GJD3: variants seen among roughly 807,000 people sequenced by gnomAD.
The protein encoded by GJD3 is gap junction delta-3 protein.
For synonymous variants in GJD3, 217 were observed against 226.7 expected, an observed-to-expected ratio of 0.96 and a Z score of 0.38; for missense variants, 421 against 448.5, an observed-to-expected ratio of 0.94 and a Z score of 0.55.
At position 40,363,556 on chromosome 17, in the gene GJD3, G is replaced by T; in HGVS notation, c.260C>A (p.Ala87Glu). 6.3e-7 allele frequency: 1 copy of T among 1,583,764 alleles called. No homozygotes were observed. Among genetic ancestry groups the T allele is most frequent in the Admixed American group, 1.8e-5 (1 of 55,116 alleles). The change falls in exon 1 of 1, where the codon GCG becomes GAG. Residue 87 changes from alanine (A) to glutamate (E), a missense_variant. Transcript: ENST00000578689. The surrounding 1 kb of genome is among the most constrained non-coding windows in gnomAD (Gnocchi z 5.5). ...FWLFHILLLS[A>E]PPVLFVVYSM... is the part of the protein sequence containing the mutation. ...GTAGACGACGAACAGCACCGGGGGCGCCGAGAGCAGCAGGATGTGGAAGAG... is the reference window on the plus strand; with the variant it reads ...GTAGACGACGAACAGCACCGGGGGCTCCGAGAGCAGCAGGATGTGGAAGAG...
rs902003969 is a variant in GJD3 at position 40,363,439 on chromosome 17, G to A, written c.377C>T (p.Ala126Val). 3 of 1,328,548 alleles carry A rather than the reference G, an allele frequency of 2.3e-6. No homozygotes were observed. The highest frequency in any genetic ancestry group is 4.2e-5 in the Admixed American group (1 of 23,942). 82.3% of individuals were successfully genotyped at this position (1,328,548 alleles called of 1,614,324 possible). The change falls in exon 1 of 1, where the codon GCC (alanine) becomes GTC (valine). Residue 126 changes from alanine to valine, a missense_variant. By Grantham distance (64) the Ala-to-Val change is moderately conservative (BLOSUM62 0). Transcript: ENST00000578689. This position sits in a 1 kb window ranked among gnomAD's most constrained non-coding sequence, Gnocchi z 5.5. ...GLPEAQCAPC[A>V]LRARRARRCY... ...GCGGCGCGCGCGGCGGGCGCGCAGG[G>A]CGCACGGCGCGCACTGGGCCTCGGG...
rs1463373156 is a variant in GJD3 at position 40,363,036 on chromosome 17, G to A, written c.780C>T (p.Cys260=). The change falls in exon 1 of 1, where the codon TGC becomes TGT. Residue 260 remains cysteine, a synonymous_variant. Transcript: ENST00000578689. This position sits in a 1 kb window ranked among gnomAD's most constrained non-coding sequence, Gnocchi z 5.5. ...CCGGGTGCGCATAGGCCGGCGGGGC[G>A]CACGGCTCGGGGCCGGGGCGCCGGG... The part of the protein sequence containing the change: ...LPSRRPGPEP[C]APPAYAHPAP... 8.3e-7 allele frequency: 1 copy of A among 1,211,190 alleles called. No homozygotes were observed. Among genetic ancestry groups the A allele is most frequent in the South Asian group, 3.9e-5 (1 of 25,442 alleles). 75.0% of individuals were successfully genotyped at this position (1,211,190 alleles called of 1,614,324 possible).
At position 40,361,029 on chromosome 17, in the gene GJD3, G is replaced by A. The variant is rs776578831; in HGVS notation, c.*1902C>T. On this transcript the variant is annotated 3_prime_UTR_variant, in exon 1 of 1. Coordinates refer to ENST00000578689, the MANE Select transcript of GJD3 (RefSeq NM_152219.4). ...AGAGCAATGCCATCCTGCAGGAGAAGTGCTTTCCCTACGGAAGCGAGGGGC... is the reference window on the plus strand; with the variant it reads ...AGAGCAATGCCATCCTGCAGGAGAAATGCTTTCCCTACGGAAGCGAGGGGC... The A allele has an allele frequency of 3.1e-5, 14 of 456,516 alleles. No individual in the cohort carries two copies. Among genetic ancestry groups the A allele is most frequent in the Non-Finnish European group, 5.3e-5 (12 of 226,930 alleles). 28.3% of individuals were successfully genotyped at this position (456,516 alleles called of 1,614,324 possible).
rs1367150801 is a variant in GJD3, at chr17:40,362,376, C to T, written c.*555G>A. Among the ~76,000 whole-genome samples, 2 of 152,088 alleles carry T rather than the reference C, an allele frequency of 1.3e-5. No homozygotes were observed. Among genetic ancestry groups the T allele is most frequent in the Admixed American group, 1.3e-4 (2 of 15,282 alleles). ...GCACACAGCTCACCCGGGAGGGTTACGTGTGTCTGTGTGCACAAGTGGGCC... is the reference window on the plus strand; with the variant it reads ...GCACACAGCTCACCCGGGAGGGTTATGTGTGTCTGTGTGCACAAGTGGGCC... On this transcript the variant is annotated 3_prime_UTR_variant, in exon 1 of 1. Coordinates refer to ENST00000578689, the MANE Select transcript of GJD3 (RefSeq NM_152219.4).
In GJD3 at chr17:40,362,531, T is replaced by C. The variant is rs182077639; in HGVS notation, c.*400A>G. ...CGCAGAGAGCCCACAGGGGGACCAC[T>C]CTCTCTCTGAACACAGAGAGTGCCT... On this transcript the variant is annotated 3_prime_UTR_variant, in exon 1 of 1. Coordinates refer to ENST00000578689, the MANE Select transcript of GJD3 (RefSeq NM_152219.4). 6.6e-6 allele frequency among the ~76,000 whole-genome samples: 1 copy of C among 152,302 alleles called. No individual in the cohort carries two copies. Among genetic ancestry groups the C allele is most frequent in the East Asian group, 1.9e-4 (1 of 5,168 alleles).
In GJD3 at chr17:40,363,208, A is replaced by T. The variant is rs1486200595; in HGVS notation, c.608T>A (p.Leu203Gln). 6.9e-7 allele frequency: 1 copy of T among 1,447,478 alleles called. No individual in the cohort carries two copies. The highest frequency in any genetic ancestry group is 1.3e-5 in the South Asian group (1 of 75,142). The allele number at this position is 1,447,478 out of a possible 1,614,324, so 89.7% of individuals were successfully genotyped here. ...FYFAVGLLSA[L>Q]LSVAELGHLL... is the part of the protein sequence containing the mutation. ...GTGGCCCAGCTCGGCTACGCTGAGCAGCGCCGACAGCAGCCCCACCGCGAA... is the reference window on the plus strand; with the variant it reads ...GTGGCCCAGCTCGGCTACGCTGAGCTGCGCCGACAGCAGCCCCACCGCGAA... The change falls in exon 1 of 1, where the codon CTG becomes CAG. Residue 203 changes from leucine (L) to glutamine (Q), a missense_variant. Leu to Gln is a moderately radical substitution (Grantham distance 113). Transcript: ENST00000578689. This position sits in a 1 kb window ranked among gnomAD's most constrained non-coding sequence, Gnocchi z 5.5.
Position 40,363,160 on chromosome 17 carries a change from C to G in GJD3, c.656G>C (p.Arg219Pro). Residue 219 changes from arginine to proline, a missense_variant, in exon 1 of 1, where the codon CGC becomes CCC. Arg to Pro is a moderately radical substitution (Grantham distance 103). Transcript: ENST00000578689. The surrounding 1 kb of genome is among the most constrained non-coding windows in gnomAD (Gnocchi z 5.5). ...GCAGCGGTTGTCACGCTCCCCGGCG[C>G]GCGGGCGGCCCTTCCAGAGCAGGTG... is the stretch of plus-strand genomic sequence containing the variant. The part of the protein sequence containing the change: ...LGHLLWKGRP[R>P]AGERDNRCNR... 7.0e-7 allele frequency: 1 copy of G among 1,419,982 alleles called. No individual in the cohort carries two copies. The allele number at this position is 1,419,982 out of a possible 1,614,324, so 88.0% of individuals were successfully genotyped here. A position where few individuals can be genotyped will look rare whatever the true frequency, so the allele number is the denominator to read the frequency against.
rs923933623 is a variant in GJD3 at position 40,362,263 on chromosome 17, ATGTGCGTGTG to A, written c.*658_*667del. Reference sequence around the variant, plus strand: ...CACACGCAGCCCACACAGAATGGACATGTGCGTGTGTGCACAATGCACTCACACAAAGCTC... The same window carrying A: ...CACACGCAGCCCACACAGAATGGACATGCACAATGCACTCACACAAAGCTC... On this transcript the variant is annotated 3_prime_UTR_variant, in exon 1 of 1. Transcript: ENST00000578689. Among the ~76,000 whole-genome samples, 9 of 152,132 alleles carry A rather than the reference ATGTGCGTGTG, an allele frequency of 5.9e-5. No individual in the cohort carries two copies. Among genetic ancestry groups the A allele is most frequent in the African/African-American group, 2.2e-4 (9 of 41,420 alleles).
rs2034782237 is a variant in GJD3 at position 40,364,407 on chromosome 17, C to T, written c.-592G>A. 6.0e-6 allele frequency: 1 copy of T among 167,604 alleles called. No individual in the cohort carries two copies. The highest frequency in any genetic ancestry group is 2.4e-5 in the African/African-American group (1 of 41,442). The allele number at this position is 167,604 out of a possible 1,614,324, so 10.4% of individuals were successfully genotyped here. ...GCTGGTACAGAGGCAACTCCGCTTT[C>T]ATAACTCTCACAGGGTCCTTTGTCG... On this transcript the variant is annotated 5_prime_UTR_variant, in exon 1 of 1. An upstream start codon of the reference 5' UTR is lost. Coordinates refer to ENST00000578689, the MANE Select transcript of GJD3 (RefSeq NM_152219.4).
Position 40,363,815 on chromosome 17 carries a change from TG to T in GJD3, c.-1del. The T allele has an allele frequency of 6.3e-7, 1 of 1,598,770 alleles. No homozygotes were observed. The highest frequency in any genetic ancestry group is 1.3e-5 in the African/African-American group (1 of 74,704). ...GAGCCCAGGAACGCCCACTCCCCCA[TG>T]GCGCTGGGGACGCGGGGCGGGGAGT... On this transcript the variant is annotated 5_prime_UTR_variant, in exon 1 of 1. Coordinates refer to ENST00000578689, the MANE Select transcript of GJD3 (RefSeq NM_152219.4). This position sits in a 1 kb window ranked among gnomAD's most constrained non-coding sequence, Gnocchi z 5.5.
In GJD3 at chr17:40,363,408, G is replaced by C. The variant is rs1233226551; in HGVS notation, c.408C>G (p.Tyr136Ter). The C allele has an allele frequency of 3.8e-6, 5 of 1,327,214 alleles. No homozygotes were observed. The highest frequency in any genetic ancestry group is 4.8e-6 in the Non-Finnish European group (5 of 1,044,360). The allele number at this position is 1,327,214 out of a possible 1,614,324, so 82.2% of individuals were successfully genotyped here. A position where few individuals can be genotyped will look rare whatever the true frequency, so the allele number is the denominator to read the frequency against. ...GCAGGCGCAGCGCCACGCTCAGCAG[G>C]TAGCAGCGGCGCGCGCGGCGGGCGC... ...ALRARRARRC[Y>*]LLSVALRLLA... is the part of the protein sequence containing the mutation. Residue 136 changes from tyrosine to a stop codon, truncating the protein, a stop_gained, in exon 1 of 1, where the codon TAC becomes TAG. Coordinates refer to ENST00000578689, the MANE Select transcript of GJD3 (RefSeq NM_152219.4). LOFTEE classifies it low-confidence loss of function (END_TRUNC). The surrounding 1 kb of genome is among the most constrained non-coding windows in gnomAD (Gnocchi z 5.5).
Position 40,361,221 on chromosome 17 carries a change from G to T in GJD3, c.*1710C>A, listed in dbSNP as rs2034749669. The T allele has an allele frequency of 2.9e-6, 1 of 347,848 alleles. No homozygotes were observed. Among genetic ancestry groups the T allele is most frequent in the Non-Finnish European group, 5.6e-6 (1 of 177,162 alleles). The allele number at this position is 347,848 out of a possible 1,614,324, so 21.5% of individuals were successfully genotyped here. On this transcript the variant is annotated 3_prime_UTR_variant, in exon 1 of 1. Coordinates refer to ENST00000578689, the MANE Select transcript of GJD3 (RefSeq NM_152219.4). ...AAAGGAACAGCACGTTCAAACGCTT[G>T]GCAGCAAGCAGGTCTGGTGCTTGTT... is the stretch of plus-strand genomic sequence containing the variant.
rs1173810057 is a variant in GJD3 at position 40,363,243 on chromosome 17, C to A, written c.573G>T (p.Val191=). 2 of 1,445,630 alleles carry A rather than the reference C, an allele frequency of 1.4e-6. No homozygotes were observed. Among genetic ancestry groups the A allele is most frequent in the Non-Finnish European group, 1.8e-6 (2 of 1,097,494 alleles). The allele number at this position is 1,445,630 out of a possible 1,614,324, so 89.6% of individuals were successfully genotyped here. ...GCAGCCCCACCGCGAAATAGAAGAG[C>A]ACGAAGACGGTCTTCTCGGTGGGCC... The part of the protein sequence containing the change: ...VSRPTEKTVF[V]LFYFAVGLLS... The change falls in exon 1 of 1, where the codon GTG becomes GTT. Residue 191 remains valine, a synonymous_variant. Transcript: ENST00000578689. This position sits in a 1 kb window ranked among gnomAD's most constrained non-coding sequence, Gnocchi z 5.5.
chr17:40,362,219 G>A lies in GJD3; in HGVS notation c.*712C>T, dbSNP rs1022517207. 1.3e-5 allele frequency among the ~76,000 whole-genome samples: 2 copies of A among 151,972 alleles called. No homozygotes were observed. Among genetic ancestry groups the A allele is most frequent in the Admixed American group, 1.3e-4 (2 of 15,272 alleles). Reference sequence around the variant, plus strand: ...ACATGCACACATAGCGCACAAGGATGTTTCTGTGTACAGGTGTGCACACGC... The same window carrying A: ...ACATGCACACATAGCGCACAAGGATATTTCTGTGTACAGGTGTGCACACGC... On this transcript the variant is annotated 3_prime_UTR_variant, in exon 1 of 1. Transcript: ENST00000578689.
rs2034779150 is a variant in GJD3 at position 40,363,988 on chromosome 17, G to A, written c.-173C>T. 36 of 833,392 alleles carry A rather than the reference G, an allele frequency of 4.3e-5. No homozygotes were observed. The South Asian group carries it at 6.6e-4, about 15-fold the overall frequency. The allele number at this position is 833,392 out of a possible 1,614,324, so 51.6% of individuals were successfully genotyped here. A position where few individuals can be genotyped will look rare whatever the true frequency, so the allele number is the denominator to read the frequency against. ...ACCAGTATGAAACGGAGGGCCACGG[G>A]AGGGCCCGAGGGGAGCAGGCGACGC... is the stretch of plus-strand genomic sequence containing the variant. On this transcript the variant is annotated 5_prime_UTR_variant, in exon 1 of 1. Transcript: ENST00000578689. The surrounding 1 kb of genome is among the most constrained non-coding windows in gnomAD (Gnocchi z 5.5).
rs1449292622 is a variant in GJD3, at chr17:40,363,550, G to C, written c.266C>G (p.Pro89Arg). 6.3e-7 allele frequency: 1 copy of C among 1,579,770 alleles called. No individual in the cohort carries two copies. Among genetic ancestry groups the C allele is most frequent in the Non-Finnish European group, 8.6e-7 (1 of 1,163,966 alleles). The change falls in exon 1 of 1, where the codon CCG (proline) becomes CGG (arginine). Residue 89 changes from proline to arginine, a missense_variant. Coordinates refer to ENST00000578689, the MANE Select transcript of GJD3 (RefSeq NM_152219.4). The surrounding 1 kb of genome is among the most constrained non-coding windows in gnomAD (Gnocchi z 5.5). Reference protein sequence around the residue: ...LFHILLLSAPPVLFVVYSMHR... With the variant: ...LFHILLLSAPRVLFVVYSMHR... ...CATGGAGTAGACGACGAACAGCACCGGGGGCGCCGAGAGCAGCAGGATGTG... is the reference window on the plus strand; with the variant it reads ...CATGGAGTAGACGACGAACAGCACCCGGGGCGCCGAGAGCAGCAGGATGTG...
chr17:40,362,897 T>C lies in GJD3; in HGVS notation c.*34A>G. 3 of 1,189,896 alleles carry C rather than the reference T, an allele frequency of 2.5e-6. No individual in the cohort carries two copies. Among genetic ancestry groups the C allele is most frequent in the Non-Finnish European group, 3.1e-6 (3 of 959,298 alleles). 73.7% of individuals were successfully genotyped at this position (1,189,896 alleles called of 1,614,324 possible). A position where few individuals can be genotyped will look rare whatever the true frequency, so the allele number is the denominator to read the frequency against. On this transcript the variant is annotated 3_prime_UTR_variant, in exon 1 of 1. Transcript: ENST00000578689. ...GGGCGGAGGTGGCGGGGTCCGGCCC[T>C]CGCCGTCCAGTCCGCGCGAGGCGGT... is the stretch of plus-strand genomic sequence containing the variant.
At position 40,362,188 on chromosome 17, in the gene GJD3, A is replaced by T. The variant is rs1312855722; in HGVS notation, c.*743T>A. Among the ~76,000 whole-genome samples the T allele has an allele frequency of 6.6e-6, 1 of 151,608 alleles. No homozygotes were observed. The highest frequency in any genetic ancestry group is 1.5e-5 in the Non-Finnish European group (1 of 67,876). On this transcript the variant is annotated 3_prime_UTR_variant, in exon 1 of 1. Coordinates refer to ENST00000578689, the MANE Select transcript of GJD3 (RefSeq NM_152219.4). The stretch of plus-strand genomic sequence containing the variant: ...CGTGCACACACAGAGGTCACGCCGG[A>T]TGTACACATGCACACATAGCGCACA...
chr17:40,363,882 C>G lies in GJD3; in HGVS notation c.-67G>C. 1 of 1,492,954 alleles carries G rather than the reference C, an allele frequency of 6.7e-7. No homozygotes were observed. The highest frequency in any genetic ancestry group is 8.9e-7 in the Non-Finnish European group (1 of 1,118,558). 92.5% of individuals were successfully genotyped at this position (1,492,954 alleles called of 1,614,324 possible). On this transcript the variant is annotated 5_prime_UTR_variant, in exon 1 of 1. Coordinates refer to ENST00000578689, the MANE Select transcript of GJD3 (RefSeq NM_152219.4). This position sits in a 1 kb window ranked among gnomAD's most constrained non-coding sequence, Gnocchi z 5.5. ...GTCAGGGACCCCTGCCCCTTCCAAG[C>G]CTATCGGGGTGGGGTCCGTTGGACC...
Sources: allele counts gnomAD v4.1 joint callset (sites outside exome capture counted in the v4.1 genomes callset), GRCh38; gene constraint gnomAD v4.1.1; non-coding constraint Gnocchi (gnomAD v3.1); transcripts MANE v1.5; gene names NCBI Gene and HGNC (gene_info 2026-07-23, HGNC 2026-07-21).